ST6GALNAC3: variants seen among roughly 807,000 people sequenced by gnomAD.
ST6GALNAC3 encodes alpha-N-acetylgalactosaminide alpha-2,6-sialyltransferase 3.
A neutral mutation model predicts 32.7 loss-of-function variants in ST6GALNAC3; 25 were observed. The ratio of observed to expected loss-of-function variants is 0.76; its 90% CI spans 0.56 to 1.07. The LOEUF (loss-of-function observed/expected upper bound fraction) is 1.07, where lower values mean the gene tolerates loss of function less well. Ranked by LOEUF, ST6GALNAC3 falls within the 50% of genes least tolerant of loss-of-function variation. The probability of loss-of-function intolerance (pLI) is 0.00; values close to 1 mark genes in which losing one functional copy is unlikely to be tolerated. For missense variants in ST6GALNAC3, 355 were observed against 382.4 expected (o/e 0.93, Z 0.60); for synonymous variants, 129 against 133.1 (o/e 0.97, Z 0.21).
intron 1 of ST6GALNAC3, among the ~76,000 whole-genome samples, chr1:76,280,588 G>A (rs1659441518): frequency 6.6e-6 from 1 of 152,162 alleles, no homozygotes; most frequent in African/African-American, 2.4e-5. Flanking sequence ...TGCACTATGG[G>A]TAGAGACAAG....
At chr1:76,258,180 C>T (rs1658024391) in intron 1 of ST6GALNAC3, among the ~76,000 whole-genome samples, 1 of 152,100 alleles carries the variant, frequency 6.6e-6, no homozygotes, top group African/African-American at 2.4e-5. Flanking sequence ...AGTGTTTTTC[C>T]TCATAAACCC....
intron 1 of ST6GALNAC3, among the ~76,000 whole-genome samples, chr1:76,196,672 G>A (rs1041198194): frequency 6.6e-6 from 1 of 151,992 alleles, no homozygotes; most frequent in African/African-American, 2.4e-5. Flanking sequence ...CACCATGTTG[G>A]CCAGGCTGGT....
intron 1 of ST6GALNAC3, among the ~76,000 whole-genome samples, chr1:76,267,315 G>T (rs1169827974): frequency 6.6e-6 from 1 of 152,162 alleles, no homozygotes; most frequent in African/African-American, 2.4e-5. Context: ...CTATGGTCTT[G>T]CTAAGTTGCT....
chr1:76,242,403 G>C (rs1307869720), intron 1 of ST6GALNAC3, among the ~76,000 whole-genome samples: 1 of 151,994 alleles, frequency 6.6e-6, no homozygotes, highest in Non-Finnish European at 1.5e-5. Context: ...CTGGGAGCAA[G>C]TGTTAGGGTG....
At chr1:76,102,774 C>T (rs542547481) in intron 1 of ST6GALNAC3, among the ~76,000 whole-genome samples, 2 of 151,976 alleles carry the variant, frequency 1.3e-5, no homozygotes, top group South Asian at 4.2e-4. Context: ...TTTGATTAAT[C>T]ATATATTTAT....
At chr1:76,349,223 G>A (rs145869849) in intron 2 of ST6GALNAC3, among the ~76,000 whole-genome samples, 97 of 152,240 alleles carry the variant, frequency 6.4e-4, no homozygotes, top group African/African-American at 2.0e-3. Flanking sequence ...TTGGCCAGGG[G>A]TAGAGTTCCC....
chr1:76,279,782 T>C (rs1659392096), intron 1 of ST6GALNAC3, among the ~76,000 whole-genome samples: 1 of 152,034 alleles, frequency 6.6e-6, no homozygotes, highest in South Asian at 2.1e-4. Flanking sequence ...CTTGCTGGAG[T>C]CTCCTCAGAA....
chr1:76,542,643 C>T (rs1459619914), intron 3 of ST6GALNAC3, among the ~76,000 whole-genome samples: 1 of 152,132 alleles, frequency 6.6e-6, no homozygotes, highest in Non-Finnish European at 1.5e-5. Flanking sequence ...TCAGGGTAAT[C>T]ATTTCCCTAA....
chr1:76,148,567 A>G (rs918452612), intron 1 of ST6GALNAC3, among the ~76,000 whole-genome samples: 12 of 152,224 alleles, frequency 7.9e-5, no homozygotes, highest in African/African-American at 2.9e-4. Context: ...ACCACAATGG[A>G]TAAACTTATG....
Position 76,528,087 on chromosome 1 carries a change from C to T in ST6GALNAC3, c.624-99365C>T, listed in dbSNP as rs142948640. On this transcript the variant is annotated intron_variant, in intron 3 of 4. Coordinates refer to ENST00000328299, the MANE Select transcript of ST6GALNAC3 (RefSeq NM_152996.4). ...CACAGACCACAACATATTCCTACTT[C>T]ACAGGTAATTATATCTAGAATTCTT... Among the ~76,000 whole-genome samples the T allele has an allele frequency of 1.4e-4, 22 of 152,264 alleles. No individual in the cohort carries two copies. In the East Asian group the frequency reaches 3.9e-3, roughly 27 times the overall value.
chr1:76,608,350 G>C (rs1647695936), intron 3 of ST6GALNAC3, among the ~76,000 whole-genome samples: 1 of 152,150 alleles, frequency 6.6e-6, no homozygotes, highest in African/African-American at 2.4e-5. Context: ...TGGGAAAACA[G>C]AGATTAACCA....
chr1:76,377,893 G>T (rs969504932), intron 2 of ST6GALNAC3, among the ~76,000 whole-genome samples: 2 of 152,098 alleles, frequency 1.3e-5, no homozygotes, highest in African/African-American at 4.8e-5. Flanking sequence ...GTGTCTACTG[G>T]GGTCGCAGGG....
At chr1:76,082,376 G>A (rs1442356260) in intron 1 of ST6GALNAC3, among the ~76,000 whole-genome samples, 1 of 152,098 alleles carries the variant, frequency 6.6e-6, no homozygotes, top group Non-Finnish European at 1.5e-5. Flanking sequence ...CCATTCTGAT[G>A]TACACGTTTT....
chr1:76,093,809 A>G (rs1647084212), intron 1 of ST6GALNAC3, among the ~76,000 whole-genome samples: 1 of 151,724 alleles, frequency 6.6e-6, no homozygotes, highest in Non-Finnish European at 1.5e-5. Flanking sequence ...GAAGCCCAAA[A>G]CCTCACTTCT....
At chr1:76,239,067 G>A (rs1196233783) in intron 1 of ST6GALNAC3, among the ~76,000 whole-genome samples, 5 of 152,034 alleles carry the variant, frequency 3.3e-5, no homozygotes, top group Non-Finnish European at 7.4e-5. Context: ...GTGGGCTTGG[G>A]CCACCAGCTG....
At chr1:76,315,029 G>A (rs575478772) in intron 2 of ST6GALNAC3, among the ~76,000 whole-genome samples, 282 of 151,870 alleles carry the variant, frequency 1.9e-3, no homozygotes, top group African/African-American at 6.6e-3. Flanking sequence ...TTGATTCTTC[G>A]AAAATTGTTT....
chr1:76,231,311 T>A (rs1381863365), intron 1 of ST6GALNAC3, among the ~76,000 whole-genome samples: 3 of 151,022 alleles, frequency 2.0e-5, no homozygotes, highest in Admixed American at 6.6e-5. Context: ...TTTTTTAAAA[T>A]TTTTTTTTAT....
intron 1 of ST6GALNAC3, among the ~76,000 whole-genome samples, chr1:76,208,983 T>C (rs566994173): frequency 2.6e-5 from 4 of 152,336 alleles, no homozygotes; most frequent in African/African-American, 9.6e-5. Context: ...CTAATCTTCA[T>C]CTTTAATGAT....
chr1:76,412,298 C>G lies in ST6GALNAC3; in HGVS notation c.504C>G (p.Ile168Met), dbSNP rs768308709. 5 of 1,613,568 alleles carry G rather than the reference C, an allele frequency of 3.1e-6. No homozygotes were observed. The highest frequency in any genetic ancestry group is 4.2e-6 in the Non-Finnish European group (5 of 1,179,758). ...FRNMRKDGNG[I>M]VYNMLKKTVG... ...ATATGAGGAAAGATGGCAATGGCATCGTTTACAACATGTTGAAAAAGACAG... is the reference window on the plus strand; with the variant it reads ...ATATGAGGAAAGATGGCAATGGCATGGTTTACAACATGTTGAAAAAGACAG... The change falls in exon 3 of 5, where the codon ATC (isoleucine) becomes ATG (methionine). Residue 168 changes from isoleucine (I) to methionine (M), a missense_variant. Transcript: ENST00000328299.
Sources: gnomAD v4.1 joint callset for allele counts (sites outside exome capture counted in the v4.1 genomes callset) on GRCh38, gnomAD v4.1.1 for gene constraint, MANE v1.5 for transcripts, NCBI Gene and HGNC (gene_info 2026-07-23, HGNC 2026-07-21) for gene names.